The following TTC38 variants were observed in gnomAD, a reference collection of about 807,000 sequenced individuals.
TTC38 encodes tetratricopeptide repeat protein 38.
In TTC38, 64 loss-of-function variants were observed where a neutral mutation model predicts 64.2. The ratio of observed to expected loss-of-function variants is 1.00; its 90% CI spans 0.81 to 1.23. The LOEUF (loss-of-function observed/expected upper bound fraction) is 1.23, where lower values mean the gene tolerates loss of function less well. Ranked by LOEUF, TTC38 falls within the 50% of genes most tolerant of loss-of-function variation. The pLI is 0.00. For synonymous variants in TTC38, 254 were observed against 249.3 expected, an observed-to-expected ratio of 1.02 and a Z score of -0.18; for missense variants, 573 against 615.5, an observed-to-expected ratio of 0.93 and a Z score of 0.73.
chr22:46,280,187 G>A (rs1220892229), intron 6 of TTC38: 2 of 471,130 alleles, frequency 4.2e-6, no homozygotes, highest in African/African-American at 4.0e-5. Context: ...CCCCAGGCTG[G>A]TGAGGGTAGG....
intron 9 of TTC38, 96 bp downstream of exon 9, chr22:46,285,375 C>G: frequency 1.7e-6 from 2 of 1,172,650 alleles, no homozygotes; most frequent in Non-Finnish European, 2.6e-6. Context: ...TTGTCCCAGC[C>G]AGAAAAACAG....
At position 46,276,389 on chromosome 22, in the gene TTC38, A is replaced by G. The variant is rs562250191; in HGVS notation, c.539+968A>G. Among the ~76,000 whole-genome samples, 30 of 152,288 alleles carry G rather than the reference A, an allele frequency of 2.0e-4. No individual in the cohort carries two copies. Among genetic ancestry groups the G allele is most frequent in the African/African-American group, 6.7e-4 (28 of 41,558 alleles). Reference sequence around the variant, plus strand: ...AATCTGCTTTACTCAAATCGCATCTAGAAATACCTTCACGAGACTGGGCAC... The same window carrying G: ...AATCTGCTTTACTCAAATCGCATCTGGAAATACCTTCACGAGACTGGGCAC... On this transcript the variant is annotated intron_variant, in intron 5 of 13. Transcript: ENST00000381031. This position sits in a 1 kb window ranked among gnomAD's most constrained non-coding sequence, Gnocchi z 4.7.
At position 46,288,497 on chromosome 22, in the gene TTC38, T is replaced by C; in HGVS notation, c.991T>C (p.Phe331Leu). The C allele has an allele frequency of 1.9e-6, 3 of 1,614,000 alleles. No homozygotes were observed. Among genetic ancestry groups the C allele is most frequent in the Non-Finnish European group, 2.5e-6 (3 of 1,179,928 alleles). ...RKHSRDHILL[F>L]NDAHFLMASL... ...GCACAGCCGAGACCACATCCTGCTG[T>C]TCAATGACGCACACTTCCTGATGGC... The change falls in exon 11 of 14, where the codon TTC becomes CTC. Residue 331 changes from phenylalanine (F) to leucine (L), a missense_variant. Physicochemically the swap from Phe to Leu is conservative, Grantham distance 22 (BLOSUM62 0). Around this residue, in one of 3 missense-constraint regions of TTC38, gnomAD observed 371 missense variants for 381.8 expected, o/e 0.97. Coordinates refer to ENST00000381031, the MANE Select transcript of TTC38 (RefSeq NM_017931.4).
In TTC38 at chr22:46,272,035, A is replaced by T. The variant is rs145585834; in HGVS notation, c.112-300A>T. On this transcript the variant is annotated intron_variant, in intron 2 of 13. Transcript: ENST00000381031. The surrounding 1 kb of genome is among the most constrained non-coding windows in gnomAD (Gnocchi z 6.4). ...TTGAGACAGTCTCTCTCTGCCATCC[A>T]GGCTGGAGTGCAGTGGCACAATCTT... Among the ~76,000 whole-genome samples, 122 of 152,296 alleles carry T rather than the reference A, an allele frequency of 8.0e-4. No homozygotes were observed. Among genetic ancestry groups the T allele is most frequent in the African/African-American group, 2.8e-3 (117 of 41,572 alleles).
intron 2 of TTC38, chr22:46,269,165 C>T (rs191808489): frequency 9.3e-6 from 4 of 430,442 alleles, no homozygotes; most frequent in Non-Finnish European, 1.9e-5. Context: ...GGGTGGACAG[C>T]GGTGGGTGCA....
At chr22:46,284,872 A>C (rs1277647127) in intron 8 of TTC38, among the ~76,000 whole-genome samples, 1 of 150,502 alleles carries the variant, frequency 6.6e-6, no homozygotes, top group East Asian at 1.9e-4. Flanking sequence ...CCATCTCAAA[A>C]AAAAAAAAAA....
intron 2 of TTC38, among the ~76,000 whole-genome samples, chr22:46,269,943 C>T (rs187503892): frequency 4.8e-4 from 73 of 152,302 alleles, no homozygotes; most frequent in African/African-American, 1.6e-3. Flanking sequence ...TAGGCACGCA[C>T]CATCATACCC....
At chr22:46,284,737 G>A (rs149300930) in intron 8 of TTC38, among the ~76,000 whole-genome samples, 58 of 151,794 alleles carry the variant, frequency 3.8e-4, no homozygotes, top group South Asian at 8.3e-4. Flanking sequence ...AAATTAGCCG[G>A]GCATGGTGGC....
Position 46,281,871 on chromosome 22 carries a change from C to A in TTC38, c.735+153C>A. 1.9e-6 allele frequency: 2 copies of A among 1,032,922 alleles called. No homozygotes were observed. Among genetic ancestry groups the A allele is most frequent in the Non-Finnish European group, 2.9e-6 (2 of 687,934 alleles). The allele number at this position is 1,032,922 out of a possible 1,614,324, so 64.0% of individuals were successfully genotyped here. ...TGCACCTGCCTCAGGTGTTTGGCTGCTGAGCAGAATGCAATCAAGATTCCA... is the reference window on the plus strand; with the variant it reads ...TGCACCTGCCTCAGGTGTTTGGCTGATGAGCAGAATGCAATCAAGATTCCA... On this transcript the variant is annotated intron_variant, in intron 7 of 13. Transcript: ENST00000381031. This position sits in a 1 kb window ranked among gnomAD's most constrained non-coding sequence, Gnocchi z 5.2.
At position 46,274,150 on chromosome 22, in the gene TTC38, T is replaced by C; in HGVS notation, c.365+81T>C. ...GCAGGGTATCCCTTTCCTGATGCCC[T>C]TGGGACGGGGGCGGGGTGGGAGAAT... On this transcript the variant is annotated intron_variant, in intron 4 of 13. Transcript: ENST00000381031. This position sits in a 1 kb window ranked among gnomAD's most constrained non-coding sequence, Gnocchi z 4.8. The C allele has an allele frequency of 6.2e-6, 5 of 811,866 alleles. No individual in the cohort carries two copies. Among genetic ancestry groups the C allele is most frequent in the Non-Finnish European group, 9.2e-6 (5 of 542,438 alleles). The allele number at this position is 811,866 out of a possible 1,614,324, so 50.3% of individuals were successfully genotyped here. A position where few individuals can be genotyped will look rare whatever the true frequency, so the allele number is the denominator to read the frequency against.
intron 11 of TTC38, among the ~76,000 whole-genome samples, chr22:46,289,057 G>A (rs1326610732): frequency 2.0e-5 from 3 of 152,322 alleles, no homozygotes; most frequent in African/African-American, 4.8e-5. Context: ...ATTCCCTTCC[G>A]GGGGTGATGA....
chr22:46,282,323 T>G lies in TTC38; in HGVS notation c.735+605T>G, dbSNP rs2077541123. Among the ~76,000 whole-genome samples, 1 of 152,104 alleles carries G rather than the reference T, an allele frequency of 6.6e-6. No individual in the cohort carries two copies. Among genetic ancestry groups the G allele is most frequent in the Admixed American group, 6.5e-5 (1 of 15,278 alleles). On this transcript the variant is annotated intron_variant, in intron 7 of 13. Transcript: ENST00000381031. This position sits in a 1 kb window ranked among gnomAD's most constrained non-coding sequence, Gnocchi z 4.4. The stretch of plus-strand genomic sequence containing the variant: ...CTGTGCAGGAGGCCTTGTCAGTCCC[T>G]CTTTCCAGGGGAGGCAAGGTGGTGT...
At chr22:46,288,718 G>GT (rs2077589969) in intron 11 of TTC38, 130 bp downstream of exon 11, 5 of 927,238 alleles carry the variant, frequency 5.4e-6, no homozygotes, top group African/African-American at 1.6e-5. Context: ...TGCCCATGGA[G>GT]GCAGCTCCCA....
intron 10 of TTC38, 131 bp downstream of exon 10, chr22:46,287,285 GC>G: frequency 1.4e-6 from 1 of 727,228 alleles, no homozygotes; most frequent in Non-Finnish European, 2.2e-6. Flanking sequence ...TGCAGGCCTG[GC>G]CACTGCCTTG....
At chr22:46,285,666 C>A (rs998767578) in intron 9 of TTC38, among the ~76,000 whole-genome samples, 1 of 150,582 alleles carries the variant, frequency 6.6e-6, no homozygotes, top group South Asian at 2.1e-4. Flanking sequence ...TGCAATGGTG[C>A]GATTGGCTGG....
intron 2 of TTC38, among the ~76,000 whole-genome samples, chr22:46,269,788 A>C (rs111582926): frequency 6.6e-6 from 1 of 151,938 alleles, no homozygotes; most frequent in East Asian, 1.9e-4. Flanking sequence ...GCCTCTGTAG[A>C]GTACTCGATT....
intron 8 of TTC38, 142 bp downstream of exon 8, chr22:46,284,174 C>T (rs1601880007): frequency 1.2e-5 from 8 of 687,292 alleles, no homozygotes; most frequent in Middle Eastern, 2.6e-4. Flanking sequence ...GCACTCTAGG[C>T]TTCAACCTTT....
rs1370699275 is a variant in TTC38, at chr22:46,270,553, C to A, written c.112-1782C>A. Among the ~76,000 whole-genome samples, 1 of 152,056 alleles carries A rather than the reference C, an allele frequency of 6.6e-6. No individual in the cohort carries two copies. The highest frequency in any genetic ancestry group is 2.4e-5 in the African/African-American group (1 of 41,384). ...GCAAATTGTTAAAAATGATGATGCGCTGGGCGCGGTGACTCACGCCTGTAA... is the reference window on the plus strand; with the variant it reads ...GCAAATTGTTAAAAATGATGATGCGATGGGCGCGGTGACTCACGCCTGTAA... On this transcript the variant is annotated intron_variant, in intron 2 of 13. Coordinates refer to ENST00000381031, the MANE Select transcript of TTC38 (RefSeq NM_017931.4). This position sits in a 1 kb window ranked among gnomAD's most constrained non-coding sequence, Gnocchi z 4.7.
rs548751285 is a variant in TTC38, at chr22:46,292,578, C to T, written c.1317-213C>T. On this transcript the variant is annotated intron_variant, in intron 13 of 13. Coordinates refer to ENST00000381031, the MANE Select transcript of TTC38 (RefSeq NM_017931.4). This position sits in a 1 kb window ranked among gnomAD's most constrained non-coding sequence, Gnocchi z 6.5. The stretch of plus-strand genomic sequence containing the variant: ...CACTGCCACCTGTTGTGCCCCATCT[C>T]GGGTGTGGCTTCCTGCACTGGAGGT... Among the ~76,000 whole-genome samples the T allele has an allele frequency of 2.6e-5, 4 of 152,336 alleles. No homozygotes were observed. The highest frequency in any genetic ancestry group is 4.8e-5 in the African/African-American group (2 of 41,580).
Sources: allele counts gnomAD v4.1 joint callset (sites outside exome capture counted in the v4.1 genomes callset), GRCh38; gene constraint gnomAD v4.1.1; regional missense constraint gnomAD v4.1.1; non-coding constraint Gnocchi (gnomAD v3.1); transcripts MANE v1.5; gene names NCBI Gene and HGNC (gene_info 2026-07-23, HGNC 2026-07-21).